The following QSER1 variants were observed in gnomAD, a reference collection of about 807,000 sequenced individuals.
The protein encoded by QSER1 is glutamine and serine-rich protein 1.
QSER1 carries 49 observed loss-of-function variants against 158.5 expected under a neutral mutation model. That is an observed-to-expected ratio of 0.31 (90% CI 0.25 to 0.39). QSER1 has a LOEUF of 0.39. Among genes scored for constraint, QSER1 ranks in the 10% least tolerant of loss-of-function variants. The probability of loss-of-function intolerance (pLI) is 1.00; values close to 1 mark genes in which losing one functional copy is unlikely to be tolerated. For missense variants in QSER1, 1,754 were observed against 2,010.3 expected (o/e 0.87, Z 2.44); for synonymous variants, 650 against 715.5 (o/e 0.91, Z 1.46).
chr11:32,968,909 AT>A (rs1700168071), intron 9 of QSER1, 136 bp from the exon 10 acceptor site: 15 of 535,164 alleles, frequency 2.8e-5, no homozygotes, highest in Non-Finnish European at 3.8e-5. Context: ...TTCATGTCCA[AT>A]TTTTTTGCAA....
Position 32,934,275 on chromosome 11 carries a change from C to T in QSER1, c.3017C>T (p.Thr1006Ile). Residue 1006 changes from threonine (T) to isoleucine (I), a missense_variant, in exon 4 of 13, where the codon ACC becomes ATC. Physicochemically the swap from Thr to Ile is moderately conservative, Grantham distance 89. This residue lies in a region of QSER1 where 1,707 missense variants were observed against 1,919.6 expected (regional missense o/e 0.89). Coordinates refer to ENST00000650167, the MANE Select transcript of QSER1 (RefSeq NM_001076786.3). ...TTTTCCAAGTCAACTTCAAATGAAA[C>T]CATGCAGGCTGTTGAAGATGGTGAT... ...TDFSKSTSNE[T>I]MQAVEDGDSK... 1 of 1,614,018 alleles carries T rather than the reference C, an allele frequency of 6.2e-7. No homozygotes were observed. The highest frequency in any genetic ancestry group is 8.5e-7 in the Non-Finnish European group (1 of 1,179,992).
At chr11:32,920,148 C>T (rs1590722218) in intron 1 of QSER1, among the ~76,000 whole-genome samples, 1 of 152,118 alleles carries the variant, frequency 6.6e-6, no homozygotes, top group East Asian at 1.9e-4. Context: ...GCTGGAGTGT[C>T]ATTGCTTCTG....
intron 8 of QSER1, among the ~76,000 whole-genome samples, chr11:32,961,063 G>C (rs114028817): frequency 0.014 from 2,194 of 152,112 alleles, 53 homozygotes; most frequent in African/African-American, 0.051. Flanking sequence ...TTAATGTGAG[G>C]TGTTTTTTTT....
chr11:32,952,631 G>T (rs1440914065), intron 4 of QSER1, among the ~76,000 whole-genome samples: 1 of 151,902 alleles, frequency 6.6e-6, no homozygotes, highest in East Asian at 1.9e-4. Context: ...GTTGGGAAGT[G>T]TTTCCTCCTA....
chr11:32,910,860 T>C (rs952317051), intron 1 of QSER1, among the ~76,000 whole-genome samples: 2 of 152,252 alleles, frequency 1.3e-5, no homozygotes, highest in Non-Finnish European at 2.9e-5. Context: ...GCCACTGTTA[T>C]AACTACTTTA....
chr11:32,929,431 C>G (rs1852016809), intron 3 of QSER1, among the ~76,000 whole-genome samples: 1 of 152,104 alleles, frequency 6.6e-6, no homozygotes. Flanking sequence ...TGTATCTGAT[C>G]CCATAAGTGA....
intron 1 of QSER1, among the ~76,000 whole-genome samples, chr11:32,924,449 A>G (rs1226353488): frequency 1.3e-5 from 2 of 151,064 alleles, no homozygotes; most frequent in Non-Finnish European, 2.9e-5. Context: ...GGTCCCAGCT[A>G]CTCGAGAGAC....
At chr11:32,960,810 G>C (rs1469956938) in intron 8 of QSER1, among the ~76,000 whole-genome samples, 1 of 152,116 alleles carries the variant, frequency 6.6e-6, no homozygotes, top group African/African-American at 2.4e-5. Context: ...AGGCCTTTTT[G>C]TTCCTTGCTT....
intron 4 of QSER1, among the ~76,000 whole-genome samples, chr11:32,941,574 T>G (rs1351395879): frequency 6.6e-6 from 1 of 152,160 alleles, no homozygotes; most frequent in Non-Finnish European, 1.5e-5. Flanking sequence ...TCATTTTTTG[T>G]GGCTGCATAG....
intron 8 of QSER1, among the ~76,000 whole-genome samples, chr11:32,965,763 A>G (rs1197758189): frequency 6.6e-6 from 1 of 152,102 alleles, no homozygotes; most frequent in Non-Finnish European, 1.5e-5. Context: ...CCTGGCCAAC[A>G]TGGTGAAACC....
At chr11:32,925,016 T>G (rs1851949624) in intron 1 of QSER1, among the ~76,000 whole-genome samples, 1 of 152,202 alleles carries the variant, frequency 6.6e-6, no homozygotes, top group Non-Finnish European at 1.5e-5. Flanking sequence ...TGATTAGGAT[T>G]ATAGCCTCCA....
rs1426745726 is a variant in QSER1, at chr11:32,977,369, G to A, written c.*895G>A. On this transcript the variant is annotated 3_prime_UTR_variant, in exon 13 of 13. Coordinates refer to ENST00000650167, the MANE Select transcript of QSER1 (RefSeq NM_001076786.3). ...TTTTTTCATACAGATTTGCTTCAGT[G>A]TTATCCAGAATATGCATTCAGTACT... The A allele has an allele frequency of 6.6e-6, 1 of 152,466 alleles. No homozygotes were observed. The highest frequency in any genetic ancestry group is 1.9e-4 in the East Asian group (1 of 5,204). 9.4% of individuals were successfully genotyped at this position (152,466 alleles called of 1,614,324 possible).
In QSER1 at chr11:32,980,181, A is replaced by G. The variant is rs1450770888; in HGVS notation, c.*3707A>G. On this transcript the variant is annotated 3_prime_UTR_variant, in exon 13 of 13. Transcript: ENST00000650167. ...AGCGTTTTCATTTGGTCCATAACAC[A>G]ATGTATGGAAATGTGAAAGACAATT... is the stretch of plus-strand genomic sequence containing the variant. 6.6e-6 allele frequency: 1 copy of G among 152,658 alleles called. No homozygotes were observed. The highest frequency in any genetic ancestry group is 1.9e-4 in the East Asian group (1 of 5,204). 9.5% of individuals were successfully genotyped at this position (152,658 alleles called of 1,614,324 possible).
rs750502808 is a variant in QSER1, at chr11:32,935,158, A to G, written c.3900A>G (p.Arg1300=). The G allele has an allele frequency of 6.2e-7, 1 of 1,614,072 alleles. No homozygotes were observed. Residue 1300 remains arginine, a synonymous_variant, in exon 4 of 13, where the codon CGA becomes CGG. Coordinates refer to ENST00000650167, the MANE Select transcript of QSER1 (RefSeq NM_001076786.3). ...PKQQFSTLAV[R]MPNRTRRPGT... ...AGCAGTTTTCCACTCTTGCTGTACG[A>G]ATGCCTAACAGGACTAGACGGCCAG...
At chr11:32,972,414 T>TGC (rs1852881446) in intron 10 of QSER1, among the ~76,000 whole-genome samples, 8 of 107,374 alleles carry the variant, frequency 7.5e-5, no homozygotes, top group Admixed American at 2.7e-4. Context: ...GGCTTATTTA[T>TGC]TTATTTATTT....
intron 8 of QSER1, among the ~76,000 whole-genome samples, chr11:32,960,400 T>C (rs916322944): frequency 3.3e-5 from 5 of 151,568 alleles, no homozygotes; most frequent in Non-Finnish European, 7.4e-5. Flanking sequence ...CTACTAAAAA[T>C]ACAAAAAAAT....
chr11:32,963,635 G>C (rs913123590), intron 8 of QSER1, among the ~76,000 whole-genome samples: 1 of 151,110 alleles, frequency 6.6e-6, no homozygotes, highest in African/African-American at 2.4e-5. Context: ...ACGTGCATGA[G>C]CCACCGCATC....
chr11:32,973,246 CA>C, intron 10 of QSER1, 150 bp from the exon 11 acceptor site: 1 of 762,628 alleles, frequency 1.3e-6, no homozygotes, highest in Non-Finnish European at 2.2e-6. Context: ...TCAGTACACA[CA>C]CACCTCTCTG....
chr11:32,966,291 C>A lies in QSER1; in HGVS notation c.4970-9C>A. 2 of 1,610,496 alleles carry A rather than the reference C, an allele frequency of 1.2e-6. No homozygotes were observed. Among genetic ancestry groups the A allele is most frequent in the Non-Finnish European group, 1.7e-6 (2 of 1,178,940 alleles). The stretch of plus-strand genomic sequence containing the variant: ...GAAAATTTAATATTTAACCCTTTCT[C>A]CCTCCCAGAATTTGAACCTCCCGCT... On this transcript the variant is annotated splice_polypyrimidine_tract_variant and intron_variant, in intron 8 of 12. Transcript: ENST00000650167.
Sources: allele counts gnomAD v4.1 joint callset (sites outside exome capture counted in the v4.1 genomes callset), GRCh38; gene constraint gnomAD v4.1.1; regional missense constraint gnomAD v4.1.1; transcripts MANE v1.5; gene names NCBI Gene and HGNC (gene_info 2026-07-23, HGNC 2026-07-21).